The following GPC5 variants were observed in gnomAD, a reference collection of about 807,000 sequenced individuals.
GPC5 encodes glypican 5.
GPC5 carries 47 observed loss-of-function variants against 53.9 expected under a neutral mutation model. The ratio of observed to expected loss-of-function variants is 0.87; its 90% CI spans 0.69 to 1.11. GPC5 has a LOEUF of 1.11. Among genes scored for constraint, GPC5 ranks in the 50% most tolerant of loss-of-function variants. GPC5 has a pLI of 0.00. For synonymous variants in GPC5, 286 were observed against 263.3 expected (o/e 1.09, Z -0.84); for missense variants, 748 against 713.1 (o/e 1.05, Z -0.56).
intron 3 of GPC5, among the ~76,000 whole-genome samples, chr13:91,717,017 C>T (rs1249951040): frequency 6.6e-6 from 1 of 152,184 alleles, no homozygotes; most frequent in East Asian, 1.9e-4. Context: ...CACATTGCTA[C>T]AGGACAAATC....
Position 92,866,969 on chromosome 13 carries a change from G to T in GPC5, c.*530G>T, listed in dbSNP as rs1169421601. 6.6e-6 allele frequency: 1 copy of T among 152,202 alleles called. No individual in the cohort carries two copies. Among genetic ancestry groups the T allele is most frequent in the East Asian group, 1.9e-4 (1 of 5,182 alleles). The allele number at this position is 152,202 out of a possible 1,614,324, so 9.4% of individuals were successfully genotyped here. A position where few individuals can be genotyped will look rare whatever the true frequency, so the allele number is the denominator to read the frequency against. ...GAAGGAAATGTCTGAATGTCTATAA[G>T]TTATGGGGTAGATTCTTGAGAAGCA... is the stretch of plus-strand genomic sequence containing the variant. On this transcript the variant is annotated 3_prime_UTR_variant, in exon 8 of 8. Coordinates refer to ENST00000377067, the MANE Select transcript of GPC5 (RefSeq NM_004466.6).
intron 6 of GPC5, among the ~76,000 whole-genome samples, chr13:92,066,909 G>A (rs1160042098): frequency 6.6e-6 from 1 of 151,974 alleles, no homozygotes; most frequent in Non-Finnish European, 1.5e-5. Flanking sequence ...TTAGAAAGGT[G>A]AACATTTATA....
chr13:92,574,614 C>T (rs1026711514), intron 7 of GPC5, among the ~76,000 whole-genome samples: 2 of 152,162 alleles, frequency 1.3e-5, no homozygotes, highest in African/African-American at 2.4e-5. Context: ...TACTGACACA[C>T]ATAACTTCTG....
At chr13:92,727,976 C>A (rs1445454423) in intron 7 of GPC5, among the ~76,000 whole-genome samples, 2 of 151,320 alleles carry the variant, frequency 1.3e-5, no homozygotes, top group Non-Finnish European at 3.0e-5. Context: ...ATAAAAAAAT[C>A]TCTCCATGTT....
In GPC5 at chr13:92,197,814, C is replaced by T. The variant is rs555665566; in HGVS notation, c.1561+52825C>T. Among the ~76,000 whole-genome samples the T allele has an allele frequency of 4.6e-5, 7 of 152,150 alleles. No individual in the cohort carries two copies. In the East Asian group the frequency reaches 5.8e-4, roughly 13 times the overall value. On this transcript the variant is annotated intron_variant, in intron 7 of 7. Transcript: ENST00000377067. ...TACAGGCATGAGTCACCGAGCCAGG[C>T]ACCCCATATGTCTTAAGATAAAATC...
chr13:92,720,893 G>A (rs933180213), intron 7 of GPC5, among the ~76,000 whole-genome samples: 5 of 152,174 alleles, frequency 3.3e-5, no homozygotes, highest in African/African-American at 7.2e-5. Context: ...AATTCAAAAC[G>A]TAGGAAAAGA....
intron 7 of GPC5, among the ~76,000 whole-genome samples, chr13:92,693,244 A>C (rs936830094): frequency 6.6e-6 from 1 of 152,160 alleles, no homozygotes; most frequent in Non-Finnish European, 1.5e-5. Context: ...AATGGGTACC[A>C]GGAGTGTGGC....
intron 7 of GPC5, among the ~76,000 whole-genome samples, chr13:92,793,260 C>G (rs1323632555): frequency 1.3e-5 from 2 of 152,126 alleles, no homozygotes; most frequent in African/African-American, 4.8e-5. Flanking sequence ...TGCATGGAAA[C>G]TGAACCACCT....
chr13:91,942,055 T>A (rs2139046579), intron 6 of GPC5, among the ~76,000 whole-genome samples: 1 of 152,226 alleles, frequency 6.6e-6, no homozygotes, highest in African/African-American at 2.4e-5. Context: ...ATTTTTTTGG[T>A]GATAAGAACA....
chr13:92,620,206 G>C (rs1884825986), intron 7 of GPC5, among the ~76,000 whole-genome samples: 1 of 151,744 alleles, frequency 6.6e-6, no homozygotes, highest in African/African-American at 2.4e-5. Context: ...GTGGCGGAAA[G>C]AAAAAGATTA....
chr13:92,559,083 C>T (rs1566293356), intron 7 of GPC5, among the ~76,000 whole-genome samples: 1 of 151,850 alleles, frequency 6.6e-6, no homozygotes, highest in Non-Finnish European at 1.5e-5. Flanking sequence ...GAGACCAATG[C>T]CCACCCTTGG....
chr13:92,082,327 A>T (rs1185055824), intron 6 of GPC5, among the ~76,000 whole-genome samples: 1 of 152,088 alleles, frequency 6.6e-6, no homozygotes, highest in African/African-American at 2.4e-5. Context: ...CCAAAACTTA[A>T]TTTGGGGAAA....
At chr13:91,403,049 A>C (rs1877064897) in intron 1 of GPC5, among the ~76,000 whole-genome samples, 1 of 152,216 alleles carries the variant, frequency 6.6e-6, no homozygotes, top group Non-Finnish European at 1.5e-5. Flanking sequence ...CACAATTAGA[A>C]TGTTGGTGGC....
chr13:92,401,809 A>T (rs957912579), intron 7 of GPC5, among the ~76,000 whole-genome samples: 1 of 152,150 alleles, frequency 6.6e-6, no homozygotes, highest in Non-Finnish European at 1.5e-5. Context: ...TACACTAAAA[A>T]GACATTACAT....
chr13:92,150,530 C>T (rs2138991817), intron 7 of GPC5, among the ~76,000 whole-genome samples: 1 of 151,952 alleles, frequency 6.6e-6, no homozygotes, highest in Non-Finnish European at 1.5e-5. Flanking sequence ...ATTTTGTTAA[C>T]AATATTGTAT....
At chr13:91,425,687 A>G (rs1878993746) in intron 1 of GPC5, among the ~76,000 whole-genome samples, 2 of 152,172 alleles carry the variant, frequency 1.3e-5, no homozygotes, top group Admixed American at 6.5e-5. Context: ...TCTTTATAGC[A>G]GTGTGAAAAT....
At chr13:92,440,502 C>T (rs191061463) in intron 7 of GPC5, among the ~76,000 whole-genome samples, 1 of 152,286 alleles carries the variant, frequency 6.6e-6, no homozygotes, top group African/African-American at 2.4e-5. Context: ...TAGTCACCAT[C>T]AATGGGCATC....
chr13:91,846,646 G>A (rs2038852290), intron 5 of GPC5, among the ~76,000 whole-genome samples: 1 of 151,824 alleles, frequency 6.6e-6, no homozygotes, highest in Non-Finnish European at 1.5e-5. Flanking sequence ...AAAGGAAGGA[G>A]GAACTAAGTG....
At chr13:92,288,010 C>A (rs2042968041) in intron 7 of GPC5, among the ~76,000 whole-genome samples, 1 of 151,978 alleles carries the variant, frequency 6.6e-6, no homozygotes, top group African/African-American at 2.4e-5. Context: ...ATAGCAGATT[C>A]TTCCTTACAT....
Sources: allele counts gnomAD v4.1 joint callset (sites outside exome capture counted in the v4.1 genomes callset), GRCh38; gene constraint gnomAD v4.1.1; transcripts MANE v1.5; gene names NCBI Gene and HGNC (gene_info 2026-07-23, HGNC 2026-07-21).